Variants in TMEM94 observed in about 807,000 individuals in gnomAD.
TMEM94 encodes ER Mg2+ ATPase.
TMEM94 carries 81 observed loss-of-function variants against 158.6 expected under a neutral mutation model. The observed-to-expected ratio is 0.51, with a 90% CI of 0.43 to 0.61. The LOEUF (loss-of-function observed/expected upper bound fraction) is 0.61. Ranked by LOEUF, TMEM94 falls within the 20% of genes least tolerant of loss-of-function variation. TMEM94 has a pLI of 0.00. For synonymous variants in TMEM94, 751 were observed against 730.7 expected (o/e 1.03, Z -0.45); for missense variants, 1,435 against 1,762.0 (o/e 0.81, Z 3.32).
At chr17:75,464,114 C>T (rs966764913) in intron 1 of TMEM94, among the ~76,000 whole-genome samples, 6 of 152,160 alleles carry the variant, frequency 3.9e-5, no homozygotes, top group African/African-American at 1.4e-4. Context: ...TCTTTTTGAC[C>T]TTGTTTCTGA....
intron 11 of TMEM94, 61 bp from the exon 12 acceptor site, chr17:75,490,988 C>T (rs781306839): frequency 1.4e-4 from 185 of 1,346,188 alleles, no homozygotes; most frequent in Middle Eastern, 1.9e-4. Flanking sequence ...CCCTAGAGGC[C>T]GTCTCCAGGG....
chr17:75,477,679 C>T (rs2050781542), intron 2 of TMEM94, among the ~76,000 whole-genome samples: 1 of 152,102 alleles, frequency 6.6e-6, no homozygotes, highest in Non-Finnish European at 1.5e-5. Flanking sequence ...GGAAGGAGAG[C>T]AGCTGCTGTG....
intron 1 of TMEM94, among the ~76,000 whole-genome samples, chr17:75,465,149 C>G (rs1163046380): frequency 2.0e-5 from 3 of 151,950 alleles, no homozygotes; most frequent in African/African-American, 7.3e-5. Context: ...TTTAGTCGTT[C>G]TAATGGGTGT....
chr17:75,482,361 A>G (rs1393216316), intron 2 of TMEM94, among the ~76,000 whole-genome samples: 2 of 151,992 alleles, frequency 1.3e-5, no homozygotes, highest in Non-Finnish European at 2.9e-5. Context: ...AGAAAAAAAA[A>G]AAAGCAAAGA....
chr17:75,459,353 C>T lies in TMEM94; in HGVS notation c.-107+2602C>T, dbSNP rs917556479. Among the ~76,000 whole-genome samples, 63 of 152,288 alleles carry T rather than the reference C, an allele frequency of 4.1e-4. 1 individual carries two copies. Among genetic ancestry groups the T allele is most frequent in the African/African-American group, 1.5e-3 (62 of 41,564 alleles). On this transcript the variant is annotated intron_variant, in intron 1 of 31. Coordinates refer to ENST00000314256, the MANE Select transcript of TMEM94 (RefSeq NM_014738.6). ...CTTGAACCACCAGACCACCATGCCC[C>T]TTGTTTGTGGTGACTTGACATCAGA...
rs2053042466 is a variant in TMEM94, at chr17:75,499,026, C to T, written c.3942C>T (p.Cys1314=). ...CCCTGCTGACATGGCTCCTGGGCTGCCTGTCCCTGGTCCTTGTGGTGGTGA... is the reference window on the plus strand; with the variant it reads ...CCCTGCTGACATGGCTCCTGGGCTGTCTGTCCCTGGTCCTTGTGGTGGTGA... The part of the protein sequence containing the change: ...DVPLLTWLLG[C]LSLVLVVVTN... The change falls in exon 31 of 32, where the codon TGC becomes TGT. Residue 1314 remains cysteine, a synonymous_variant. Transcript: ENST00000314256. The T allele has an allele frequency of 6.2e-7, 1 of 1,603,780 alleles. No individual in the cohort carries two copies. Among genetic ancestry groups the T allele is most frequent in the Admixed American group, 1.7e-5 (1 of 59,840 alleles).
At position 75,495,059 on chromosome 17, in the gene TMEM94, G is replaced by GC; in HGVS notation, c.2728+25_2728+26insC. On this transcript the variant is annotated intron_variant, in intron 20 of 31. Transcript: ENST00000314256. This position sits in a 1 kb window ranked among gnomAD's most constrained non-coding sequence, Gnocchi z 5.6. ...GGTAAGGGCAAAGGCGTGGGGTGGG[G>GC]ACGGGGTGGCGGTGGGAGGATTCCC... 3 of 1,482,240 alleles carry GC rather than the reference G, an allele frequency of 2.0e-6. No individual in the cohort carries two copies. Among genetic ancestry groups the GC allele is most frequent in the Non-Finnish European group, 1.9e-6 (2 of 1,072,658 alleles). The allele number at this position is 1,482,240 out of a possible 1,614,324, so 91.8% of individuals were successfully genotyped here.
intron 10 of TMEM94, 72 bp downstream of exon 10, chr17:75,490,422 G>T: frequency 2.6e-6 from 4 of 1,533,450 alleles, no homozygotes; most frequent in Non-Finnish European, 3.5e-6. Context: ...CAGAGGACGG[G>T]GGCAGAAGTC....
chr17:75,489,172 G>A lies in TMEM94; in HGVS notation c.765-94G>A. On this transcript the variant is annotated intron_variant, in intron 7 of 31. Coordinates refer to ENST00000314256, the MANE Select transcript of TMEM94 (RefSeq NM_014738.6). This position sits in a 1 kb window ranked among gnomAD's most constrained non-coding sequence, Gnocchi z 5.0. ...AACTGCAGGACTCACGGTGCTTGAA[G>A]AAGCGGTATCTGGCAGAGAGGCCCA... The A allele has an allele frequency of 8.1e-7, 1 of 1,230,944 alleles. No individual in the cohort carries two copies. The highest frequency in any genetic ancestry group is 1.2e-6 in the Non-Finnish European group (1 of 848,694). The allele number at this position is 1,230,944 out of a possible 1,614,324, so 76.3% of individuals were successfully genotyped here. A position where few individuals can be genotyped will look rare whatever the true frequency, so the allele number is the denominator to read the frequency against.
At chr17:75,497,346 T>A in intron 26 of TMEM94, 148 bp downstream of exon 26, 12 of 9,066 alleles carry the variant, frequency 1.3e-3, no homozygotes, top group Non-Finnish European at 2.2e-3. Flanking sequence ...CCCTTTGTCT[T>A]TTTTTTTTTT....
chr17:75,495,562 A>AC lies in TMEM94; in HGVS notation c.2863_2864insC (p.Ile955ThrfsTer12). 2 of 1,613,514 alleles carry AC rather than the reference A, an allele frequency of 1.2e-6. No homozygotes were observed. Among genetic ancestry groups the AC allele is most frequent in the Non-Finnish European group, 1.7e-6 (2 of 1,179,976 alleles). Reference sequence around the variant, plus strand: ...TCTCCAGGCCAAGCTGCCCCGGGGTATCCACCAAGTGCGGCCCCACCTGCA... The same window carrying AC: ...TCTCCAGGCCAAGCTGCCCCGGGGTACTCCACCAAGTGCGGCCCCACCTGCA... On this transcript the variant is annotated frameshift_variant, in exon 22 of 32. Transcript: ENST00000314256. LOFTEE classifies it high-confidence loss of function. The surrounding 1 kb of genome is among the most constrained non-coding windows in gnomAD (Gnocchi z 5.6).
At chr17:75,476,733 A>G in intron 2 of TMEM94, 1 of 1,535,746 alleles carries the variant, frequency 6.5e-7, no homozygotes, top group Non-Finnish European at 8.7e-7. Flanking sequence ...CATCAGGGCA[A>G]AGGCAACAAA....
chr17:75,490,672 C>T, intron 10 of TMEM94, 30 bp from the exon 11 acceptor site: 1 of 1,609,032 alleles, frequency 6.2e-7, no homozygotes, highest in East Asian at 2.2e-5. Context: ...GCGTTTTCCT[C>T]ACTGAGGACC....
At chr17:75,461,537 C>A (rs188878536) in intron 1 of TMEM94, among the ~76,000 whole-genome samples, 1 of 152,240 alleles carries the variant, frequency 6.6e-6, no homozygotes, top group Non-Finnish European at 1.5e-5. Context: ...AGTAAAAATT[C>A]TTCCTGCTCC....
chr17:75,493,751 G>GA lies in TMEM94; in HGVS notation c.2242_2243insA (p.Ala748AspfsTer55), dbSNP rs1567966643. ...AGCCTGCCTGTCTGGGTATTGCTCT[G>GA]CCTTCGCCTACAAGCCCATGAACTG... is the stretch of plus-strand genomic sequence containing the variant. On this transcript the variant is annotated frameshift_variant, in exon 18 of 32. Coordinates refer to ENST00000314256, the MANE Select transcript of TMEM94 (RefSeq NM_014738.6). LOFTEE classifies it high-confidence loss of function. 1 of 1,614,104 alleles carries GA rather than the reference G, an allele frequency of 6.2e-7. No individual in the cohort carries two copies. The highest frequency in any genetic ancestry group is 1.7e-5 in the Admixed American group (1 of 60,034).
chr17:75,467,451 G>C (rs975211550), intron 1 of TMEM94, among the ~76,000 whole-genome samples: 4 of 149,048 alleles, frequency 2.7e-5, no homozygotes, highest in African/African-American at 9.8e-5. Context: ...ATATACAATT[G>C]ATCTTGTCTT....
intron 1 of TMEM94, among the ~76,000 whole-genome samples, chr17:75,469,281 C>T (rs1404987616): frequency 6.6e-6 from 1 of 152,026 alleles, no homozygotes. Flanking sequence ...GTCCCAGCTG[C>T]CCCCTTATTA....
chr17:75,484,631 G>C (rs2051437955), intron 2 of TMEM94, among the ~76,000 whole-genome samples: 1 of 151,728 alleles, frequency 6.6e-6, no homozygotes, highest in African/African-American at 2.4e-5. Context: ...TCTTAGGTTC[G>C]AGTGATCCAC....
rs1014799541 is a variant in TMEM94, at chr17:75,500,409, T to A, written c.*1075T>A. The A allele has an allele frequency of 6.6e-6, 1 of 152,594 alleles. No homozygotes were observed. Among genetic ancestry groups the A allele is most frequent in the Admixed American group, 6.5e-5 (1 of 15,328 alleles). 9.5% of individuals were successfully genotyped at this position (152,594 alleles called of 1,614,324 possible). Reference sequence around the variant, plus strand: ...GTGGTCCGAAGCCCCTCCCCCATTGTGTCCTCTCAGGCAGTTGATAGAATA... The same window carrying A: ...GTGGTCCGAAGCCCCTCCCCCATTGAGTCCTCTCAGGCAGTTGATAGAATA... On this transcript the variant is annotated 3_prime_UTR_variant, in exon 32 of 32. Coordinates refer to ENST00000314256, the MANE Select transcript of TMEM94 (RefSeq NM_014738.6).
Sources: allele counts gnomAD v4.1 joint callset (sites outside exome capture counted in the v4.1 genomes callset), GRCh38; gene constraint gnomAD v4.1.1; non-coding constraint Gnocchi (gnomAD v3.1); transcripts MANE v1.5; gene names NCBI Gene and HGNC (gene_info 2026-07-23, HGNC 2026-07-21).